The following CLCNKA variants were observed in gnomAD, a reference collection of about 807,000 sequenced individuals.
CLCNKA encodes chloride channel protein ClC-Ka.
A neutral mutation model predicts 83.3 loss-of-function variants in CLCNKA; 66 were observed. The observed-to-expected ratio is 0.79, with a 90% CI of 0.65 to 0.97. The LOEUF (loss-of-function observed/expected upper bound fraction) is 0.97, where lower values mean the gene tolerates loss of function less well. Among genes scored for constraint, CLCNKA ranks in the 50% least tolerant of loss-of-function variants. The pLI, the probability that CLCNKA is intolerant of heterozygous loss-of-function variation, is 0.00. For missense variants in CLCNKA, 806 were observed against 888.7 expected, an observed-to-expected ratio of 0.91 and a Z score of 1.18; for synonymous variants, 357 against 370.4, an observed-to-expected ratio of 0.96 and a Z score of 0.42.
chr1:16,023,137 C>T (rs1239171505), intron 2 of CLCNKA, among the ~76,000 whole-genome samples: 1 of 152,208 alleles, frequency 6.6e-6, no homozygotes, highest in Non-Finnish European at 1.5e-5. Context: ...CCCTCAGCTA[C>T]GGGGCAGAGC....
At chr1:16,024,030 G>C (rs2022245111) in intron 3 of CLCNKA, 102 bp downstream of exon 3, 1 of 1,446,840 alleles carries the variant, frequency 6.9e-7, no homozygotes, top group Admixed American at 1.7e-5. Context: ...GGACGGACCT[G>C]GGTGCGGGGA....
At chr1:16,027,190 C>A in intron 7 of CLCNKA, 120 bp from the exon 8 acceptor site, 1 of 1,451,872 alleles carries the variant, frequency 6.9e-7, no homozygotes, top group Non-Finnish European at 9.6e-7. Context: ...CTGTCTGTCC[C>A]TGTCCGGGCT....
At position 16,032,611 on chromosome 1, in the gene CLCNKA, C is replaced by T. The variant is rs10803408; in HGVS notation, c.1929+85C>T. 500,231 of 1,058,482 alleles carry T rather than the reference C, an allele frequency of 0.47. 120,755 individuals are homozygous for T. Among genetic ancestry groups the T allele is most frequent in the East Asian group, 0.73 (30,855 of 42,066 alleles). 65.6% of individuals were successfully genotyped at this position (1,058,482 alleles called of 1,614,324 possible). ...GGAGCTCAGGCTCCAGCCTCCCGTC[C>T]CAACCCCGCCCCGCCCATCTTATCC... On this transcript the variant is annotated intron_variant, in intron 18 of 19. Coordinates refer to ENST00000331433, the MANE Select transcript of CLCNKA (RefSeq NM_004070.4).
chr1:16,030,367 T>C, intron 14 of CLCNKA, 94 bp from the exon 15 acceptor site: 3 of 1,494,824 alleles, frequency 2.0e-6, no homozygotes, highest in Non-Finnish European at 2.8e-6. Flanking sequence ...ATTCCCACCC[T>C]AGCCCCCGGC....
chr1:16,029,010 C>A (rs552446962), intron 11 of CLCNKA, 116 bp from the exon 12 acceptor site: 4 of 1,534,570 alleles, frequency 2.6e-6, no homozygotes, highest in African/African-American at 2.7e-5. Flanking sequence ...TGCCCAAGGC[C>A]CCCCGCTGGG....
chr1:16,022,448 C>T (rs560324803), intron 1 of CLCNKA, among the ~76,000 whole-genome samples, 165 bp from the exon 2 acceptor site: 3 of 152,262 alleles, frequency 2.0e-5, no homozygotes, highest in East Asian at 1.9e-4. Context: ...CCCTCAGTGA[C>T]GGAACCTCAG....
At chr1:16,026,902 C>A in intron 7 of CLCNKA, 127 bp downstream of exon 7, 1 of 1,337,722 alleles carries the variant, frequency 7.5e-7, no homozygotes, top group Non-Finnish European at 1.0e-6. Context: ...ACTTCAGCCC[C>A]GCTTTGGGTA....
At chr1:16,032,571 G>T in intron 18 of CLCNKA, 45 bp downstream of exon 18, 3 of 1,447,516 alleles carry the variant, frequency 2.1e-6, no homozygotes, top group South Asian at 1.1e-5. Flanking sequence ...CCCGGGGCAG[G>T]GCAAGAGCTG....
chr1:16,027,505 C>T (rs1443703188), intron 8 of CLCNKA, 70 bp downstream of exon 8: 29 of 1,589,660 alleles, frequency 1.8e-5, no homozygotes, highest in Non-Finnish European at 2.4e-5. Context: ...CCCTTCTCCT[C>T]TGTGTACATC....
rs1392078183 is a variant in CLCNKA at position 16,023,819 on chromosome 1, G to T, written c.120G>T (p.Lys40Asn). 14 of 1,614,036 alleles carry T rather than the reference G, an allele frequency of 8.7e-6. No individual in the cohort carries two copies. Among genetic ancestry groups the T allele is most frequent in the Non-Finnish European group, 1.2e-5 (14 of 1,179,992 alleles). Residue 40 changes from lysine (K) to asparagine (N), a missense_variant, in exon 3 of 20, where the codon AAG (lysine) becomes AAT (asparagine). Lys to Asn is a moderately conservative substitution (Grantham distance 94). Transcript: ENST00000331433. Reference sequence around the variant, plus strand: ...CCCCAGGTGGCCTGGAGTGGCTAAAGCAGAAGGTGTTCCGCCTGGGAGAAG... The same window carrying T: ...CCCCAGGTGGCCTGGAGTGGCTAAATCAGAAGGTGTTCCGCCTGGGAGAAG... ...RAIQGGLEWL[K>N]QKVFRLGEDW... is the part of the protein sequence containing the mutation.
At chr1:16,033,344 T>C in intron 19 of CLCNKA, 88 bp downstream of exon 19, 4 of 1,397,124 alleles carry the variant, frequency 2.9e-6, no homozygotes, top group Non-Finnish European at 3.0e-6. Flanking sequence ...ACCAGCATGC[T>C]CCCATCCAAA....
At chr1:16,033,100 G>C (rs1441430373) in intron 18 of CLCNKA, 70 bp from the exon 19 acceptor site, 2 of 1,504,356 alleles carry the variant, frequency 1.3e-6, no homozygotes, top group Non-Finnish European at 1.9e-6. Flanking sequence ...TCAGAGGCGT[G>C]GCAGAGTGGG....
chr1:16,024,750 CG>C lies in CLCNKA; in HGVS notation c.230-11del. 6.2e-7 allele frequency: 1 copy of C among 1,613,814 alleles called. No individual in the cohort carries two copies. Among genetic ancestry groups the C allele is most frequent in the South Asian group, 1.1e-5 (1 of 91,074 alleles). On this transcript the variant is annotated splice_polypyrimidine_tract_variant and intron_variant, in intron 3 of 19. Coordinates refer to ENST00000331433, the MANE Select transcript of CLCNKA (RefSeq NM_004070.4). ...AGGCTGTGGGTGCCTCCCTGATACGCGGCTGTCCCCAGCACACCAGTGGCTG... is the reference window on the plus strand; with the variant it reads ...AGGCTGTGGGTGCCTCCCTGATACGCGCTGTCCCCAGCACACCAGTGGCTG...
rs562145294 is a variant in CLCNKA at position 16,027,217 on chromosome 1, G to T, written c.656-93G>T. The T allele has an allele frequency of 8.3e-6, 13 of 1,566,210 alleles. No homozygotes were observed. In the African/African-American group the frequency reaches 1.6e-4, roughly 19 times the overall value. On this transcript the variant is annotated intron_variant, in intron 7 of 19. Transcript: ENST00000331433. Reference sequence around the variant, plus strand: ...GTCCGGGCTGTAGGACAGCAGGACAGATGGCTCAGGGAGGAGGCGAGATGG... The same window carrying T: ...GTCCGGGCTGTAGGACAGCAGGACATATGGCTCAGGGAGGAGGCGAGATGG...
chr1:16,024,884 C>T lies in CLCNKA; in HGVS notation c.351C>T (p.Ser117=), dbSNP rs1317113485. The change falls in exon 4 of 20, where the codon TCC becomes TCT. Residue 117 remains serine (S), a synonymous_variant. Transcript: ENST00000331433. ...GCTTCTCCCAGAGCATCACGCCCTC[C>T]TCTGGAGGTGAGTCCACGGTCGCCA... The part of the protein sequence containing the change: ...SSGFSQSITP[S]SGGSGIPELK... 6.2e-7 allele frequency: 1 copy of T among 1,614,182 alleles called. No homozygotes were observed. Among genetic ancestry groups the T allele is most frequent in the Non-Finnish European group, 8.5e-7 (1 of 1,180,024 alleles).
chr1:16,030,549 G>A lies in CLCNKA; in HGVS notation c.1497G>A (p.Leu499=). The change falls in exon 15 of 20, where the codon CTG becomes CTA. Residue 499 remains leucine, a synonymous_variant. Coordinates refer to ENST00000331433, the MANE Select transcript of CLCNKA (RefSeq NM_004070.4). ...TGACCGGCCAGATAGTGCATGCACTGCCCGTGCTGATGGCGGTGCTGGCAG... is the reference window on the plus strand; with the variant it reads ...TGACCGGCCAGATAGTGCATGCACTACCCGTGCTGATGGCGGTGCTGGCAG... ...FELTGQIVHA[L]PVLMAVLAAN... 1.9e-6 allele frequency: 3 copies of A among 1,613,146 alleles called. No homozygotes were observed. In the South Asian group the frequency reaches 3.3e-5, roughly 18 times the overall value.
chr1:16,026,738 A>C lies in CLCNKA; in HGVS notation c.618A>C (p.Ala206=), dbSNP rs1355527577. The change falls in exon 7 of 20, where the codon GCA becomes GCC. Residue 206 remains alanine, a synonymous_variant. Coordinates refer to ENST00000331433, the MANE Select transcript of CLCNKA (RefSeq NM_004070.4). Reference sequence around the variant, plus strand: ...ACGAAATGCTGGTGGCAGCGGCGGCAGTGGGCGTGGCCACAGTCTTTGCAG... The same window carrying C: ...ACGAAATGCTGGTGGCAGCGGCGGCCGTGGGCGTGGCCACAGTCTTTGCAG... ...KQNEMLVAAA[A]VGVATVFAAP... 1.9e-6 allele frequency: 3 copies of C among 1,613,500 alleles called. No individual in the cohort carries two copies. The East Asian group carries it at 6.7e-5, about 36-fold the overall frequency.
rs35932996 is a variant in CLCNKA at position 16,023,833 on chromosome 1, G to A, written c.134G>A (p.Arg45His). 493 of 1,614,136 alleles carry A rather than the reference G, an allele frequency of 3.1e-4. No homozygotes were observed. In the African/African-American group the frequency reaches 5.1e-3, roughly 17 times the overall value. Residue 45 changes from arginine to histidine, a missense_variant, in exon 3 of 20, where the codon CGC (arginine) becomes CAC (histidine). Physicochemically the swap from Arg to His is conservative, Grantham distance 29 (BLOSUM62 0). Transcript: ENST00000331433. ...GAGTGGCTAAAGCAGAAGGTGTTCCGCCTGGGAGAAGACTGGTACTTCCTG... is the reference window on the plus strand; with the variant it reads ...GAGTGGCTAAAGCAGAAGGTGTTCCACCTGGGAGAAGACTGGTACTTCCTG... ...GLEWLKQKVF[R>H]LGEDWYFLMT...
chr1:16,029,663 C>G (rs1426810162), intron 12 of CLCNKA, 68 bp from the exon 13 acceptor site: 9 of 1,581,146 alleles, frequency 5.7e-6, no homozygotes, highest in African/African-American at 1.3e-5. Context: ...GTCCCCTGTC[C>G]TGTCTTCTCT....
Sources: gnomAD v4.1 joint callset for allele counts (sites outside exome capture counted in the v4.1 genomes callset) on GRCh38, gnomAD v4.1.1 for gene constraint, MANE v1.5 for transcripts, NCBI Gene and HGNC (gene_info 2026-07-23, HGNC 2026-07-21) for gene names.